The following KMT2E variants were observed in gnomAD, a reference collection of about 807,000 sequenced individuals.
The protein encoded by KMT2E is lysine methyltransferase 2E (inactive).
KMT2E carries 30 observed loss-of-function variants against 184.6 expected under a neutral mutation model. The observed-to-expected ratio is 0.16, with a 90% confidence interval of 0.12 to 0.22. The LOEUF (loss-of-function observed/expected upper bound fraction) is 0.22. Among genes scored for constraint, KMT2E ranks in the 10% least tolerant of loss-of-function variants. The pLI is 1.00. For synonymous variants in KMT2E, 815 were observed against 776.5 expected, an observed-to-expected ratio of 1.05 and a Z score of -0.82; for missense variants, 2,023 against 2,237.4, an observed-to-expected ratio of 0.90 and a Z score of 1.93.
chr7:105,076,923 T>C, intron 9 of KMT2E, 40 bp from the exon 10 acceptor site: 1 of 941,228 alleles, frequency 1.1e-6, no homozygotes, highest in South Asian at 1.3e-5. Context: ...TGTGTGTAAG[T>C]CCGTAAGTCC....
At chr7:105,033,789 G>A (rs1199383767) in intron 1 of KMT2E, among the ~76,000 whole-genome samples, 7 of 152,062 alleles carry the variant, frequency 4.6e-5, no homozygotes, top group Non-Finnish European at 7.4e-5. Flanking sequence ...GTGAGCTACT[G>A]CGCCCGGCCC....
chr7:105,036,275 C>A (rs914877859), intron 1 of KMT2E, among the ~76,000 whole-genome samples: 2 of 150,198 alleles, frequency 1.3e-5, no homozygotes, highest in East Asian at 3.9e-4. Context: ...TGGGTTCAAG[C>A]GATTCTCGTG....
intron 13 of KMT2E, among the ~76,000 whole-genome samples, chr7:105,087,890 C>T (rs887484413): frequency 2.2e-5 from 3 of 135,212 alleles, no homozygotes; most frequent in South Asian, 2.3e-4. Flanking sequence ...ATAAGCAATT[C>T]GATTCAGTTC....
intron 15 of KMT2E, 62 bp from the exon 16 acceptor site, chr7:105,101,363 G>T: frequency 8.8e-7 from 1 of 1,139,688 alleles, no homozygotes; most frequent in Non-Finnish European, 1.2e-6. Context: ...ACAAACATTT[G>T]GACTTAATTT....
chr7:105,053,448 A>C (rs1796428187), intron 3 of KMT2E, among the ~76,000 whole-genome samples: 1 of 152,240 alleles, frequency 6.6e-6, no homozygotes. Context: ...TCTAGTTTGC[A>C]GATCATATAG....
chr7:105,043,901 G>C (rs1469271688), intron 3 of KMT2E, among the ~76,000 whole-genome samples: 1 of 152,034 alleles, frequency 6.6e-6, no homozygotes, highest in Non-Finnish European at 1.5e-5. Context: ...AACCAGCCTG[G>C]GTAATACAAT....
chr7:105,105,175 G>A (rs966204325), intron 17 of KMT2E: 15 of 281,384 alleles, frequency 5.3e-5, no homozygotes, highest in African/African-American at 3.1e-4. Flanking sequence ...AAAAAAAAAA[G>A]TAATACAAAT....
In KMT2E at chr7:105,109,270, T is replaced by C. The variant is rs758203165; in HGVS notation, c.3755+42T>C. On this transcript the variant is annotated intron_variant, in intron 23 of 26. Transcript: ENST00000311117. Reference sequence around the variant, plus strand: ...GTATGCTACTCTGGAAAAAACAAGCTTTTGTTCAAGTATTCTTCCTATTTG... The same window carrying C: ...GTATGCTACTCTGGAAAAAACAAGCCTTTGTTCAAGTATTCTTCCTATTTG... 4 of 1,580,136 alleles carry C rather than the reference T, an allele frequency of 2.5e-6. No homozygotes were observed. The Admixed American group carries it at 6.9e-5, about 27-fold the overall frequency.
At chr7:105,083,630 C>T (rs1353109938) in intron 13 of KMT2E, among the ~76,000 whole-genome samples, 1 of 152,226 alleles carries the variant, frequency 6.6e-6, no homozygotes, top group Non-Finnish European at 1.5e-5. Flanking sequence ...AATGCATTTG[C>T]ACAAAACAGT....
chr7:105,096,110 C>T (rs1798399826), intron 15 of KMT2E, among the ~76,000 whole-genome samples: 1 of 151,834 alleles, frequency 6.6e-6, no homozygotes, highest in Non-Finnish European at 1.5e-5. Flanking sequence ...CAAAAATTAG[C>T]CAGGCATGGT....
chr7:105,112,422 T>C lies in KMT2E; in HGVS notation c.4666T>C (p.Tyr1556His). The C allele has an allele frequency of 6.2e-7, 1 of 1,613,054 alleles. No individual in the cohort carries two copies. The highest frequency in any genetic ancestry group is 8.5e-7 in the Non-Finnish European group (1 of 1,179,840). Reference protein sequence around the residue: ...PPPPPPPSSSYYQNQQPSANF... With the variant: ...PPPPPPPSSSHYQNQQPSANF... ...ACCTCCTCCACCTCCTTCTTCGTCTTACTATCAAAACCAGCAGCCCTCTGC... is the reference window on the plus strand; with the variant it reads ...ACCTCCTCCACCTCCTTCTTCGTCTCACTATCAAAACCAGCAGCCCTCTGC... Residue 1556 changes from tyrosine to histidine, a missense_variant, in exon 27 of 27, where the codon TAC (tyrosine) becomes CAC (histidine). Physicochemically the swap from Tyr to His is moderately conservative, Grantham distance 83. Coordinates refer to ENST00000311117, the MANE Select transcript of KMT2E (RefSeq NM_182931.3).
chr7:105,050,201 G>A (rs1796270203), intron 3 of KMT2E, among the ~76,000 whole-genome samples: 1 of 152,178 alleles, frequency 6.6e-6, no homozygotes, highest in Non-Finnish European at 1.5e-5. Context: ...CTCCTGTGTT[G>A]TCAAACTAAT....
chr7:105,057,396 T>C (rs1178891970), intron 3 of KMT2E, among the ~76,000 whole-genome samples: 1 of 152,212 alleles, frequency 6.6e-6, no homozygotes, highest in Non-Finnish European at 1.5e-5. Flanking sequence ...GCTTCAACAG[T>C]ATTCAAAGTT....
intron 3 of KMT2E, among the ~76,000 whole-genome samples, chr7:105,047,500 C>G (rs1187732898): frequency 2.0e-5 from 3 of 152,178 alleles, no homozygotes; most frequent in Non-Finnish European, 2.9e-5. Flanking sequence ...GGTCTGGTAT[C>G]AGTAATTCTG....
At chr7:105,102,297 G>A (rs35494387) in intron 17 of KMT2E, 103 bp downstream of exon 17, 2 of 915,962 alleles carry the variant, frequency 2.2e-6, no homozygotes, top group Non-Finnish European at 3.1e-6. Flanking sequence ...AATAATAAGA[G>A]GCAGTTTTTA....
At chr7:105,053,881 A>G (rs1796448577) in intron 3 of KMT2E, among the ~76,000 whole-genome samples, 1 of 152,142 alleles carries the variant, frequency 6.6e-6, no homozygotes, top group South Asian at 2.1e-4. Flanking sequence ...TCTCTTCAAA[A>G]AAAAGAAACA....
intron 1 of KMT2E, among the ~76,000 whole-genome samples, chr7:105,018,408 T>G (rs886307694): frequency 6.6e-6 from 1 of 152,210 alleles, no homozygotes; most frequent in Non-Finnish European, 1.5e-5. Context: ...AAAGGATTTG[T>G]TTTTAGCAGA....
intron 1 of KMT2E, among the ~76,000 whole-genome samples, chr7:105,029,062 C>T (rs563646420): frequency 6.6e-6 from 1 of 152,038 alleles, no homozygotes; most frequent in South Asian, 2.1e-4. Flanking sequence ...GTCAGGAGTT[C>T]GAGACTAGCC....
chr7:105,102,103 C>T lies in KMT2E; in HGVS notation c.2105C>T (p.Pro702Leu). 3 of 1,612,968 alleles carry T rather than the reference C, an allele frequency of 1.9e-6. No individual in the cohort carries two copies. The highest frequency in any genetic ancestry group is 2.2e-5 in the East Asian group (1 of 44,834). ...GAAAATACTGTACTTACAATAGAAC[C>T]AGAAACTGAAACTGCACTAGCAGAA... ...DIENTVLTIE[P>L]ETETALAEII... The change falls in exon 17 of 27, where the codon CCA becomes CTA. Residue 702 changes from proline to leucine, a missense_variant. Physicochemically the swap from Pro to Leu is moderately conservative, Grantham distance 98 (BLOSUM62 -3). This residue lies in a region of KMT2E where 514 missense variants were observed against 621.8 expected (regional missense o/e 0.83). Transcript: ENST00000311117.
Sources: allele counts gnomAD v4.1 joint callset (sites outside exome capture counted in the v4.1 genomes callset), GRCh38; gene constraint gnomAD v4.1.1; regional missense constraint gnomAD v4.1.1; transcripts MANE v1.5; gene names NCBI Gene and HGNC (gene_info 2026-07-23, HGNC 2026-07-21).